Variants in NLGN1 observed in about 807,000 individuals in gnomAD.
NLGN1 encodes neuroligin 1.
A neutral mutation model predicts 65.5 loss-of-function variants in NLGN1; 12 were observed. The ratio of observed to expected loss-of-function variants is 0.18; its 90% CI spans 0.12 to 0.30. NLGN1 has a LOEUF of 0.30. Ranked by LOEUF, NLGN1 falls within the 10% of genes least tolerant of loss-of-function variation. NLGN1 has a pLI of 1.00. For missense variants in NLGN1, 750 were observed against 1,007.1 expected (o/e 0.74, Z 3.46); for synonymous variants, 350 against 359.5 (o/e 0.97, Z 0.30).
At chr3:173,710,713 A>T (rs539141237) in intron 3 of NLGN1, among the ~76,000 whole-genome samples, 20 of 152,320 alleles carry the variant, frequency 1.3e-4, no homozygotes, top group African/African-American at 4.6e-4. Context: ...ATCTTTTAAC[A>T]ATAAAGTTCC....
chr3:173,669,530 A>G (rs1415446195), intron 3 of NLGN1, among the ~76,000 whole-genome samples: 2 of 152,228 alleles, frequency 1.3e-5, no homozygotes, highest in East Asian at 3.9e-4. Flanking sequence ...TTCTTTTTAT[A>G]TGGATGTCAG....
chr3:174,210,220 A>G (rs1049742664), intron 4 of NLGN1, among the ~76,000 whole-genome samples: 8 of 152,146 alleles, frequency 5.3e-5, no homozygotes, highest in Non-Finnish European at 1.2e-4. Flanking sequence ...CCCTTGTTTG[A>G]AAGTCTTCAT....
At chr3:173,683,283 C>T (rs1341274462) in intron 3 of NLGN1, among the ~76,000 whole-genome samples, 2 of 152,144 alleles carry the variant, frequency 1.3e-5, no homozygotes, top group Admixed American at 6.6e-5. Flanking sequence ...GTCCTCCTTC[C>T]TTCCTCTTCC....
chr3:174,044,685 A>G (rs1299004419), intron 4 of NLGN1, among the ~76,000 whole-genome samples: 1 of 152,068 alleles, frequency 6.6e-6, no homozygotes. Flanking sequence ...ACTTTCCCAT[A>G]TCATCCTGTC....
At chr3:174,213,151 T>G (rs764821348) in intron 4 of NLGN1, among the ~76,000 whole-genome samples, 2 of 152,222 alleles carry the variant, frequency 1.3e-5, no homozygotes, top group Non-Finnish European at 2.9e-5. Context: ...TTTCTGCCTA[T>G]CACAAGAAGC....
chr3:174,171,315 C>T (rs1362960), intron 4 of NLGN1, among the ~76,000 whole-genome samples: 14,965 of 143,938 alleles, frequency 0.1, 902 homozygotes, highest in Admixed American at 0.15. Flanking sequence ...GCCTACATTT[C>T]TCTTCTTTAT....
chr3:174,180,408 T>C (rs750959411), intron 4 of NLGN1, among the ~76,000 whole-genome samples: 1 of 152,176 alleles, frequency 6.6e-6, no homozygotes, highest in South Asian at 2.1e-4. Flanking sequence ...ACAAGTGCAA[T>C]TTTGTTTTTG....
chr3:173,807,455 G>A (rs537472962), intron 3 of NLGN1, among the ~76,000 whole-genome samples: 1 of 152,116 alleles, frequency 6.6e-6, no homozygotes, highest in Non-Finnish European at 1.5e-5. Context: ...TTATAAGTCA[G>A]TTTGCAACTT....
At chr3:173,912,119 A>T (rs574459752) in intron 4 of NLGN1, among the ~76,000 whole-genome samples, 1 of 152,198 alleles carries the variant, frequency 6.6e-6, no homozygotes, top group Non-Finnish European at 1.5e-5. Flanking sequence ...ATAGAGCCTG[A>T]CAGTGTTCCC....
intron 4 of NLGN1, among the ~76,000 whole-genome samples, chr3:174,203,929 A>C (rs1734962123): frequency 6.6e-6 from 1 of 152,204 alleles, no homozygotes; most frequent in Admixed American, 6.5e-5. Context: ...ATAATATAGA[A>C]ATTCTATTGG....
At chr3:173,864,528 C>T (rs1346276344) in intron 4 of NLGN1, among the ~76,000 whole-genome samples, 8 of 152,186 alleles carry the variant, frequency 5.3e-5, no homozygotes, top group African/African-American at 1.9e-4. Flanking sequence ...ATCTTTAACA[C>T]AGTAATAAAA....
chr3:173,880,312 A>C (rs1732964994), intron 4 of NLGN1, among the ~76,000 whole-genome samples: 1 of 152,026 alleles, frequency 6.6e-6, no homozygotes, highest in Non-Finnish European at 1.5e-5. Flanking sequence ...AAGGCCAAAA[A>C]ATGATGAAGG....
intron 2 of NLGN1, among the ~76,000 whole-genome samples, chr3:173,491,930 T>A (rs1576953274): frequency 6.6e-6 from 1 of 151,746 alleles, no homozygotes; most frequent in African/African-American, 2.4e-5. Flanking sequence ...CAAATTCCAT[T>A]TATTCTACTA....
chr3:174,015,498 G>A (rs1477574672), intron 4 of NLGN1, among the ~76,000 whole-genome samples: 2 of 152,082 alleles, frequency 1.3e-5, no homozygotes, highest in Non-Finnish European at 2.9e-5. Flanking sequence ...CCCATTTTTA[G>A]GAGCTTATCT....
intron 4 of NLGN1, among the ~76,000 whole-genome samples, chr3:174,152,996 T>G (rs1724693721): frequency 6.6e-6 from 1 of 152,186 alleles, no homozygotes; most frequent in South Asian, 2.1e-4. Context: ...TTCTAAATTC[T>G]GATCTAGCCC....
At chr3:174,023,514 G>A (rs1179814403) in intron 4 of NLGN1, among the ~76,000 whole-genome samples, 1 of 152,050 alleles carries the variant, frequency 6.6e-6, no homozygotes, top group African/African-American at 2.4e-5. Context: ...AAATCTCAAG[G>A]GGATTAATTC....
At chr3:174,048,177 C>T (rs1734038766) in intron 4 of NLGN1, among the ~76,000 whole-genome samples, 1 of 152,024 alleles carries the variant, frequency 6.6e-6, no homozygotes, top group Non-Finnish European at 1.5e-5. Context: ...ATAAACATAA[C>T]AGATTTCATG....
chr3:174,009,875 G>A (rs1725181969), intron 4 of NLGN1, among the ~76,000 whole-genome samples: 2 of 152,114 alleles, frequency 1.3e-5, no homozygotes, highest in South Asian at 4.1e-4. Flanking sequence ...TAGGCAGAGA[G>A]CATTTATAGC....
intron 4 of NLGN1, among the ~76,000 whole-genome samples, chr3:174,263,102 C>A (rs1444714387): frequency 1.4e-5 from 2 of 147,808 alleles, no homozygotes; most frequent in Non-Finnish European, 3.0e-5. Context: ...GCTTTACTTC[C>A]AAGTATGTGG....
Sources: allele counts gnomAD v4.1 joint callset (sites outside exome capture counted in the v4.1 genomes callset), GRCh38; gene constraint gnomAD v4.1.1; transcripts MANE v1.5; gene names NCBI Gene and HGNC (gene_info 2026-07-23, HGNC 2026-07-21).